The following USP48 variants were observed in gnomAD, a reference collection of about 807,000 sequenced individuals.
USP48 encodes ubiquitin specific peptidase 48.
USP48 carries 43 observed loss-of-function variants against 150.7 expected under a neutral mutation model. That is an observed-to-expected ratio of 0.29 (90% CI 0.22 to 0.37). The LOEUF (loss-of-function observed/expected upper bound fraction) is 0.37. Ranked by LOEUF, USP48 falls within the 10% of genes least tolerant of loss-of-function variation. The probability of loss-of-function intolerance (pLI) is 1.00; values close to 1 mark genes in which losing one functional copy is unlikely to be tolerated. For synonymous variants in USP48, 396 were observed against 425.9 expected (o/e 0.93, Z 0.86); for missense variants, 813 against 1,249.6 (o/e 0.65, Z 5.27).
chr1:21,750,084 A>T (rs1210827808), intron 6 of USP48, among the ~76,000 whole-genome samples: 1 of 152,144 alleles, frequency 6.6e-6, no homozygotes, highest in East Asian at 1.9e-4. Flanking sequence ...TCCTACGCAT[A>T]TGACCCTGAT....
chr1:21,706,654 C>A, intron 16 of USP48, 65 bp from the exon 17 acceptor site: 1 of 1,612,626 alleles, frequency 6.2e-7, no homozygotes, highest in African/African-American at 1.3e-5. Flanking sequence ...CCTCCCTACA[C>A]CCCCGTCAGA....
chr1:21,715,785 A>G (rs1235284857), intron 14 of USP48, among the ~76,000 whole-genome samples: 1 of 152,208 alleles, frequency 6.6e-6, no homozygotes, highest in African/African-American at 2.4e-5. Flanking sequence ...AATCATCTAC[A>G]TGTCATGTCA....
intron 5 of USP48, 121 bp from the exon 6 acceptor site, chr1:21,751,736 G>T: frequency 1.4e-6 from 1 of 736,462 alleles, no homozygotes; most frequent in Non-Finnish European, 2.2e-6. Context: ...CTCCTTCACA[G>T]AAATTATGTA....
chr1:21,761,233 G>A (rs185948980), intron 1 of USP48, among the ~76,000 whole-genome samples: 5 of 151,788 alleles, frequency 3.3e-5, no homozygotes, highest in Non-Finnish European at 7.4e-5. Flanking sequence ...CAACCTTATC[G>A]GCAAAGATTA....
At chr1:21,726,711 T>A (rs915324021) in intron 11 of USP48, 16 of 152,204 alleles carry the variant, frequency 1.1e-4, no homozygotes, top group African/African-American at 3.9e-4. Flanking sequence ...ACACTACAGA[T>A]GTTTCTGCAC....
intron 18 of USP48, 82 bp from the exon 19 acceptor site, chr1:21,705,919 T>G: frequency 2.5e-6 from 3 of 1,211,186 alleles, no homozygotes; most frequent in Non-Finnish European, 3.4e-6. Context: ...TATTTCAAAA[T>G]CAGAGATATA....
At chr1:21,765,311 G>A (rs750098978) in intron 1 of USP48, among the ~76,000 whole-genome samples, 8 of 152,180 alleles carry the variant, frequency 5.3e-5, no homozygotes, top group Non-Finnish European at 1.2e-4. Flanking sequence ...ACACACTTTG[G>A]CAGCAGTAAA....
chr1:21,775,501 C>T (rs2097895676), intron 1 of USP48, among the ~76,000 whole-genome samples: 1 of 152,170 alleles, frequency 6.6e-6, no homozygotes. Flanking sequence ...GTAATCCTCC[C>T]ACCTCGGCCT....
intron 1 of USP48, among the ~76,000 whole-genome samples, chr1:21,776,240 G>A (rs990565948): frequency 3.3e-5 from 5 of 152,140 alleles, no homozygotes; most frequent in Admixed American, 2.6e-4. Context: ...AGAGGATTTA[G>A]TACACACTGC....
chr1:21,724,228 G>A, intron 11 of USP48, 133 bp from the exon 12 acceptor site: 1 of 899,916 alleles, frequency 1.1e-6, no homozygotes, highest in Non-Finnish European at 1.7e-6. Context: ...TTGTCTGGGG[G>A]AAGATGTTTG....
intron 8 of USP48, among the ~76,000 whole-genome samples, chr1:21,742,895 G>T (rs2097785435): frequency 6.6e-6 from 1 of 152,164 alleles, no homozygotes; most frequent in Non-Finnish European, 1.5e-5. Context: ...ATGAACAGAA[G>T]CAACAAAACA....
At chr1:21,737,575 A>T (rs75131179) in intron 8 of USP48, among the ~76,000 whole-genome samples, 5,000 of 152,274 alleles carry the variant, frequency 0.033, 294 homozygotes, top group African/African-American at 0.11. Flanking sequence ...AAGATCCTCA[A>T]CTTAAAGCAA....
intron 8 of USP48, among the ~76,000 whole-genome samples, chr1:21,745,170 A>G (rs1183050031): frequency 6.6e-6 from 1 of 152,238 alleles, no homozygotes; most frequent in African/African-American, 2.4e-5. Flanking sequence ...TTAGTCTTCT[A>G]CCTATATAAG....
chr1:21,760,454 G>A (rs540954018), intron 1 of USP48, among the ~76,000 whole-genome samples: 5 of 152,296 alleles, frequency 3.3e-5, no homozygotes, highest in Non-Finnish European at 5.9e-5. Context: ...AGTGGCTCAC[G>A]CCTGTAATCC....
At chr1:21,697,401 T>G (rs140704967) in intron 22 of USP48, among the ~76,000 whole-genome samples, 1 of 150,716 alleles carries the variant, frequency 6.6e-6, no homozygotes, top group Non-Finnish European at 1.5e-5. Flanking sequence ...TGGTGGCTCA[T>G]GCCTGTAATC....
chr1:21,752,016 C>CAAA (rs943113295), intron 5 of USP48, among the ~76,000 whole-genome samples: 8,357 of 63,182 alleles, frequency 0.13, 321 homozygotes, highest in Middle Eastern at 0.22. Flanking sequence ...GAGTCCATCT[C>CAAA]AAAAAAAAAA....
Position 21,729,782 on chromosome 1 carries a change from G to A in USP48, c.1222C>T (p.His408Tyr). ...AACATATATGCATTTCGAGAGCAAT[G>A]AGTTCCTTTGCCACACTTGGGTTTA... ...TRKPKCGKGTHCSRNAYMLVY... is the reference protein window; with the variant it reads ...TRKPKCGKGTYCSRNAYMLVY... Residue 408 changes from histidine (H) to tyrosine (Y), a missense_variant, in exon 10 of 27, where the codon CAT becomes TAT. By Grantham distance (83) the His-to-Tyr change is moderately conservative. Transcript: ENST00000308271. The A allele has an allele frequency of 6.2e-7, 1 of 1,614,114 alleles. No homozygotes were observed. The highest frequency in any genetic ancestry group is 8.5e-7 in the Non-Finnish European group (1 of 1,179,988).
intron 22 of USP48, 118 bp from the exon 23 acceptor site, chr1:21,695,339 A>G: frequency 9.0e-7 from 1 of 1,105,502 alleles, no homozygotes; most frequent in Non-Finnish European, 1.2e-6. Context: ...ACTATTTGAA[A>G]TTCAATGTAA....
chr1:21,750,840 C>T (rs2097810181), intron 6 of USP48, among the ~76,000 whole-genome samples: 1 of 151,652 alleles, frequency 6.6e-6, no homozygotes, highest in African/African-American at 2.4e-5. Context: ...CAAGATTGTG[C>T]CATTGCATTC....
Sources: allele counts gnomAD v4.1 joint callset (sites outside exome capture counted in the v4.1 genomes callset), GRCh38; gene constraint gnomAD v4.1.1; transcripts MANE v1.5; gene names NCBI Gene and HGNC (gene_info 2026-07-23, HGNC 2026-07-21).